Variants in DGKB observed in about 807,000 individuals in gnomAD.
DGKB encodes the protein diacylglycerol kinase beta.
DGKB carries 67 observed loss-of-function variants against 114.3 expected under a neutral mutation model. The observed-to-expected ratio is 0.59, with a 90% CI of 0.48 to 0.72. DGKB has a LOEUF of 0.72. Ranked by LOEUF, DGKB falls within the 30% of genes least tolerant of loss-of-function variation. The pLI is 0.00. For missense variants in DGKB, 907 were observed against 975.2 expected, an observed-to-expected ratio of 0.93 and a Z score of 0.93; for synonymous variants, 398 against 323.1, an observed-to-expected ratio of 1.23 and a Z score of -2.49.
chr7:14,899,742 T>G (rs1782690328), intron 1 of DGKB, among the ~76,000 whole-genome samples: 1 of 152,118 alleles, frequency 6.6e-6, no homozygotes, highest in African/African-American at 2.4e-5. Context: ...GATTCCAGTT[T>G]AGGTGGATCC....
chr7:14,300,613 AGTT>A (rs1803372739), intron 23 of DGKB, among the ~76,000 whole-genome samples: 2 of 151,960 alleles, frequency 1.3e-5, no homozygotes, highest in Non-Finnish European at 2.9e-5. Context: ...ATATTCTCTT[AGTT>A]TTATATTTCC....
intron 20 of DGKB, among the ~76,000 whole-genome samples, chr7:14,554,500 T>A (rs1323599245): frequency 6.6e-6 from 1 of 152,198 alleles, no homozygotes; most frequent in Non-Finnish European, 1.5e-5. Flanking sequence ...ACTTTTGTAC[T>A]CTTTTCCCTG....
intron 19 of DGKB, among the ~76,000 whole-genome samples, chr7:14,577,023 A>C (rs1799225540): frequency 6.6e-6 from 1 of 152,206 alleles, no homozygotes; most frequent in African/African-American, 2.4e-5. Context: ...AAGATTGTTA[A>C]ATAATGATAA....
At chr7:14,665,166 G>C (rs7786421) in intron 13 of DGKB, among the ~76,000 whole-genome samples, 41,055 of 151,670 alleles carry the variant, frequency 0.27, 6,611 homozygotes, top group East Asian at 0.6. Flanking sequence ...AAAAGGCTAG[G>C]TAATTAACCC....
intron 23 of DGKB, among the ~76,000 whole-genome samples, chr7:14,231,622 G>T (rs183448220): frequency 2.0e-5 from 3 of 151,852 alleles, no homozygotes; most frequent in Admixed American, 6.6e-5. Flanking sequence ...TTGCACATAT[G>T]TGTGTGTGAA....
At chr7:14,550,159 A>G (rs1242015047) in intron 20 of DGKB, among the ~76,000 whole-genome samples, 2 of 152,178 alleles carry the variant, frequency 1.3e-5, no homozygotes, top group Non-Finnish European at 2.9e-5. Flanking sequence ...TTATTATATT[A>G]TGGATCTGTT....
chr7:14,287,917 T>G (rs1315228380), intron 23 of DGKB, among the ~76,000 whole-genome samples: 1 of 152,172 alleles, frequency 6.6e-6, no homozygotes, highest in Non-Finnish European at 1.5e-5. Flanking sequence ...AACATAATTA[T>G]TCCCTTGATA....
intron 19 of DGKB, among the ~76,000 whole-genome samples, chr7:14,579,351 T>A (rs1439899818): frequency 6.6e-6 from 1 of 152,192 alleles, no homozygotes; most frequent in Non-Finnish European, 1.5e-5. Context: ...GTGCTTTGTA[T>A]GTGGTTTCAC....
chr7:14,689,704 C>G (rs1214999523), intron 9 of DGKB, among the ~76,000 whole-genome samples: 2 of 152,186 alleles, frequency 1.3e-5, no homozygotes, highest in African/African-American at 2.4e-5. Context: ...TTGCATTCAT[C>G]TAGTTTTGTA....
intron 1 of DGKB, among the ~76,000 whole-genome samples, chr7:14,949,071 C>G (rs1387559913): frequency 6.6e-6 from 1 of 151,614 alleles, no homozygotes; most frequent in South Asian, 2.1e-4. Flanking sequence ...ATGAGCAACA[C>G]AGAATTTATA....
In DGKB at chr7:14,729,247, C is replaced by T. The variant is rs889549627; in HGVS notation, c.322+6794G>A. On this transcript the variant is annotated intron_variant, in intron 5 of 25. Transcript: ENST00000402815. The stretch of plus-strand genomic sequence containing the variant: ...ACGCCATTCTCCCGCCTCAGCCTCC[C>T]GAGTAGCTGGGACTACAGGCGCCTG... Among the ~76,000 whole-genome samples, 14 of 150,262 alleles carry T rather than the reference C, an allele frequency of 9.3e-5. No individual in the cohort carries two copies. The South Asian group carries it at 1.3e-3, about 14-fold the overall frequency.
chr7:14,790,992 TA>T (rs1840591298), intron 2 of DGKB, among the ~76,000 whole-genome samples: 1 of 152,150 alleles, frequency 6.6e-6, no homozygotes, highest in South Asian at 2.1e-4. Context: ...ATCAGATTTT[TA>T]AAAATTTTTT....
chr7:14,806,803 T>G (rs1842842653), intron 2 of DGKB, among the ~76,000 whole-genome samples: 1 of 151,728 alleles, frequency 6.6e-6, no homozygotes, highest in Non-Finnish European at 1.5e-5. Flanking sequence ...TCTCAGATCA[T>G]TTTGCTCCAG....
At chr7:14,613,820 T>C (rs1274315620) in intron 15 of DGKB, among the ~76,000 whole-genome samples, 1 of 152,116 alleles carries the variant, frequency 6.6e-6, no homozygotes, top group East Asian at 1.9e-4. Context: ...GGCCTCCTTT[T>C]ACGCAGGAGT....
At chr7:14,369,918 T>C (rs1817352879) in intron 21 of DGKB, among the ~76,000 whole-genome samples, 1 of 152,242 alleles carries the variant, frequency 6.6e-6, no homozygotes, top group Non-Finnish European at 1.5e-5. Flanking sequence ...CTGATTATAG[T>C]TTCTTTTGCT....
intron 21 of DGKB, among the ~76,000 whole-genome samples, chr7:14,453,372 G>A (rs895992979): frequency 1.3e-5 from 2 of 152,066 alleles, no homozygotes; most frequent in African/African-American, 2.4e-5. Flanking sequence ...AAGCAAAATC[G>A]ACACAGATAA....
At chr7:14,731,691 CTGCAACCA>C (rs1485352121) in intron 5 of DGKB, among the ~76,000 whole-genome samples, 4 of 152,064 alleles carry the variant, frequency 2.6e-5, no homozygotes, top group Non-Finnish European at 5.9e-5. Flanking sequence ...AACCATCTTT[CTGCAACCA>C]TGTTGTAGAA....
At chr7:14,747,775 G>GCGCGCGCGCACACACACACACACACACA in intron 4 of DGKB, among the ~76,000 whole-genome samples, 3 of 149,178 alleles carry the variant, frequency 2.0e-5, no homozygotes, top group African/African-American at 7.6e-5. Flanking sequence ...ACATCCACGC[G>GCGCGCGCGCACACACACACACACACACA]CACGCACACA....
In DGKB at chr7:14,146,964, A is replaced by G. The variant is rs1180407554; in HGVS notation, c.*2167T>C. The G allele has an allele frequency of 1.3e-5, 2 of 152,210 alleles. No homozygotes were observed. The highest frequency in any genetic ancestry group is 6.5e-5 in the Admixed American group (1 of 15,276). The allele number at this position is 152,210 out of a possible 1,614,324, so 9.4% of individuals were successfully genotyped here. A position where few individuals can be genotyped will look rare whatever the true frequency, so the allele number is the denominator to read the frequency against. On this transcript the variant is annotated 3_prime_UTR_variant, in exon 26 of 26. Transcript: ENST00000402815. ...CACAAACTGTTGCTGCCTTCAAACT[A>G]TATACTATAAAAGGTAGCCAAGACA...
Sources: allele counts gnomAD v4.1 joint callset (sites outside exome capture counted in the v4.1 genomes callset), GRCh38; gene constraint gnomAD v4.1.1; transcripts MANE v1.5; gene names NCBI Gene and HGNC (gene_info 2026-07-23, HGNC 2026-07-21).